Variants in LYPD6B observed in about 807,000 individuals in gnomAD.
LYPD6B encodes ly6/PLAUR domain-containing protein 6B.
A neutral mutation model predicts 22.8 loss-of-function variants in LYPD6B; 17 were observed. That is an observed-to-expected ratio of 0.75 (90% confidence interval 0.51 to 1.12). The LOEUF (loss-of-function observed/expected upper bound fraction) is 1.12. LYPD6B is among the 50% of genes most tolerant of loss of function. The pLI is 0.00. For missense variants in LYPD6B, 221 were observed against 258.3 expected (o/e 0.86, Z 0.99); for synonymous variants, 106 against 91.6 (o/e 1.16, Z -0.90).
intron 1 of LYPD6B, among the ~76,000 whole-genome samples, chr2:149,082,134 C>T (rs1685164608): frequency 6.6e-6 from 1 of 152,154 alleles, no homozygotes; most frequent in Non-Finnish European, 1.5e-5. Flanking sequence ...TTATTCTCTC[C>T]CCATGGGATA....
chr2:149,140,282 C>T (rs1325572658), intron 2 of LYPD6B, among the ~76,000 whole-genome samples: 6 of 152,230 alleles, frequency 3.9e-5, no homozygotes, highest in African/African-American at 7.2e-5. Flanking sequence ...AGGCAACGAG[C>T]GAGCTTGTGG....
chr2:149,177,167 A>C (rs1235786613), intron 3 of LYPD6B, among the ~76,000 whole-genome samples: 2 of 152,198 alleles, frequency 1.3e-5, no homozygotes, highest in African/African-American at 4.8e-5. Flanking sequence ...TGGTTAGAGA[A>C]ATGGCCCCCA....
chr2:149,072,083 C>T (rs1018507866), intron 1 of LYPD6B, among the ~76,000 whole-genome samples: 2 of 152,086 alleles, frequency 1.3e-5, no homozygotes, highest in Admixed American at 1.3e-4. Flanking sequence ...AGGCACACAC[C>T]ACTACACCTG....
At chr2:149,087,632 G>T (rs1357637484) in intron 1 of LYPD6B, among the ~76,000 whole-genome samples, 1 of 152,142 alleles carries the variant, frequency 6.6e-6, no homozygotes, top group Non-Finnish European at 1.5e-5. Flanking sequence ...CATATCTGAG[G>T]CACTTTGCCA....
chr2:149,120,331 A>G (rs1166918482), intron 1 of LYPD6B, among the ~76,000 whole-genome samples: 6 of 132,472 alleles, frequency 4.5e-5, no homozygotes, highest in African/African-American at 1.5e-4. Flanking sequence ...ATGTGTATAT[A>G]TATATGTGTA....
chr2:149,199,020 T>G (rs1486609153), intron 3 of LYPD6B, among the ~76,000 whole-genome samples: 2 of 152,216 alleles, frequency 1.3e-5, no homozygotes, highest in Admixed American at 6.5e-5. Flanking sequence ...TGACCAGATT[T>G]ACTCCAGCCA....
At chr2:149,099,834 G>T (rs1239956248) in intron 1 of LYPD6B, among the ~76,000 whole-genome samples, 1 of 152,154 alleles carries the variant, frequency 6.6e-6, no homozygotes, top group Non-Finnish European at 1.5e-5. Flanking sequence ...TATGATGAGA[G>T]TTAGACCATT....
At chr2:149,136,082 T>C (rs1334647887) in intron 2 of LYPD6B, among the ~76,000 whole-genome samples, 1 of 152,218 alleles carries the variant, frequency 6.6e-6, no homozygotes, top group Non-Finnish European at 1.5e-5. Flanking sequence ...TGACATGTAA[T>C]AGCGGCTCCA....
chr2:149,137,088 G>A (rs1199325338), intron 2 of LYPD6B, among the ~76,000 whole-genome samples: 1 of 152,200 alleles, frequency 6.6e-6, no homozygotes, highest in Admixed American at 6.5e-5. Flanking sequence ...AGTGAAGGCA[G>A]CAGACATTTA....
At chr2:149,204,305 C>T (rs1005976280) in intron 3 of LYPD6B, among the ~76,000 whole-genome samples, 1 of 152,224 alleles carries the variant, frequency 6.6e-6, no homozygotes, top group African/African-American at 2.4e-5. Flanking sequence ...AGCACCTGAA[C>T]CAAAGTCTTC....
chr2:149,137,833 G>T (rs1389726841), intron 2 of LYPD6B, among the ~76,000 whole-genome samples: 1 of 151,912 alleles, frequency 6.6e-6, no homozygotes, highest in Non-Finnish European at 1.5e-5. Flanking sequence ...AAACTTGCTG[G>T]GTCAAAGGAA....
intron 1 of LYPD6B, among the ~76,000 whole-genome samples, chr2:149,076,028 G>A (rs1404799179): frequency 6.6e-6 from 1 of 152,214 alleles, no homozygotes; most frequent in Non-Finnish European, 1.5e-5. Context: ...GGATCCAGAG[G>A]AGCGGGAGAA....
At chr2:149,075,197 A>C (rs1684826514) in intron 1 of LYPD6B, among the ~76,000 whole-genome samples, 1 of 152,012 alleles carries the variant, frequency 6.6e-6, no homozygotes, top group African/African-American at 2.4e-5. Context: ...CTTCTCCTCT[A>C]TTTCCCTCCC....
chr2:149,159,188 T>G (rs1689890267), intron 2 of LYPD6B, among the ~76,000 whole-genome samples: 1 of 152,056 alleles, frequency 6.6e-6, no homozygotes, highest in Admixed American at 6.6e-5. Context: ...AATTAATTAC[T>G]CTCCTCTTCC....
intron 1 of LYPD6B, among the ~76,000 whole-genome samples, chr2:149,125,363 T>G (rs1687638602): frequency 6.6e-6 from 1 of 152,194 alleles, no homozygotes; most frequent in African/African-American, 2.4e-5. Flanking sequence ...CACTCTTTCC[T>G]CTTCCTGGAG....
intron 2 of LYPD6B, among the ~76,000 whole-genome samples, chr2:149,153,233 G>T: frequency 6.6e-6 from 1 of 152,264 alleles, no homozygotes; most frequent in South Asian, 2.1e-4. Context: ...AGACTTGGAG[G>T]CTCTATTTAA....
chr2:149,157,403 A>C (rs1689778379), intron 2 of LYPD6B, among the ~76,000 whole-genome samples: 1 of 152,198 alleles, frequency 6.6e-6, no homozygotes, highest in Non-Finnish European at 1.5e-5. Flanking sequence ...ACATGTTCCC[A>C]ACTAACTGAA....
At chr2:149,130,449 T>C (rs774130944) in intron 1 of LYPD6B, among the ~76,000 whole-genome samples, 5 of 152,186 alleles carry the variant, frequency 3.3e-5, no homozygotes, top group Non-Finnish European at 7.3e-5. Flanking sequence ...TAGTTTTTTA[T>C]CTTAGGTACC....
At chr2:149,205,502 A>G (rs554568906) in intron 4 of LYPD6B, 98 bp downstream of exon 4, 1 of 1,305,990 alleles carries the variant, frequency 7.7e-7, no homozygotes, top group Admixed American at 2.2e-5. Context: ...TCTTTCCCAG[A>G]ACATTTGTTT....
Sources: gnomAD v4.1 joint callset for allele counts (sites outside exome capture counted in the v4.1 genomes callset) on GRCh38, gnomAD v4.1.1 for gene constraint, MANE v1.5 for transcripts, NCBI Gene and HGNC (gene_info 2026-07-23, HGNC 2026-07-21) for gene names.